Variants in ANO2 observed in about 807,000 individuals in gnomAD.
ANO2 encodes anoctamin-2.
A neutral mutation model predicts 124.2 loss-of-function variants in ANO2; 101 were observed. The ratio of observed to expected loss-of-function variants is 0.81; its 90% CI spans 0.69 to 0.96. The LOEUF (loss-of-function observed/expected upper bound fraction) is 0.96. Ranked by LOEUF, ANO2 falls within the 40% of genes least tolerant of loss-of-function variation. The probability of loss-of-function intolerance (pLI) is 0.00; values close to 1 mark genes in which losing one functional copy is unlikely to be tolerated. For synonymous variants in ANO2, 486 were observed against 482.5 expected (o/e 1.01, Z -0.09); for missense variants, 1,293 against 1,274.5 (o/e 1.01, Z -0.22).
chr12:5,857,387 C>T (rs1388582797), intron 3 of ANO2, among the ~76,000 whole-genome samples: 3 of 152,152 alleles, frequency 2.0e-5, no homozygotes, highest in East Asian at 3.9e-4. Flanking sequence ...TGGGTACATA[C>T]CCAAGAATGG....
At chr12:5,856,209 C>T (rs1955091607) in intron 3 of ANO2, 1 of 152,236 alleles carries the variant, frequency 6.6e-6, no homozygotes, top group Non-Finnish European at 1.5e-5. Context: ...ACAGCATCAT[C>T]CCTCTCGCTA....
At chr12:5,715,571 T>A (rs560134843) in intron 14 of ANO2, among the ~76,000 whole-genome samples, 1 of 152,186 alleles carries the variant, frequency 6.6e-6, no homozygotes, top group Non-Finnish European at 1.5e-5. Flanking sequence ...CAGTGACACA[T>A]GCAAGAAGAG....
intron 3 of ANO2, among the ~76,000 whole-genome samples, chr12:5,907,342 T>C (rs1338763129): frequency 1.3e-5 from 2 of 152,256 alleles, no homozygotes; most frequent in Non-Finnish European, 2.9e-5. Context: ...ATAGTCCAGA[T>C]AGTAAATGGC....
chr12:5,608,413 C>A (rs1177619188), intron 19 of ANO2, among the ~76,000 whole-genome samples: 1 of 151,846 alleles, frequency 6.6e-6, no homozygotes, highest in Non-Finnish European at 1.5e-5. Flanking sequence ...AATTTAACTA[C>A]ATAATTATGT....
At chr12:5,653,867 A>C (rs900863248) in intron 14 of ANO2, among the ~76,000 whole-genome samples, 4 of 152,176 alleles carry the variant, frequency 2.6e-5, no homozygotes, top group African/African-American at 9.7e-5. Context: ...GAATGATTAG[A>C]GTTTCCCGGG....
intron 10 of ANO2, among the ~76,000 whole-genome samples, chr12:5,796,665 G>A (rs556716560): frequency 6.6e-6 from 1 of 152,224 alleles, no homozygotes; most frequent in Non-Finnish European, 1.5e-5. Flanking sequence ...CAGTCTCACA[G>A]TGCAGCCTGC....
At chr12:5,680,442 A>G (rs1186053544) in intron 14 of ANO2, among the ~76,000 whole-genome samples, 1 of 152,236 alleles carries the variant, frequency 6.6e-6, no homozygotes, top group African/African-American at 2.4e-5. Flanking sequence ...AGGAACGGCT[A>G]AAATAAATGC....
At chr12:5,649,421 G>C (rs908917877) in intron 14 of ANO2, among the ~76,000 whole-genome samples, 4 of 152,144 alleles carry the variant, frequency 2.6e-5, no homozygotes, top group African/African-American at 9.7e-5. Context: ...TGAGAACAAG[G>C]TAACTACATC....
chr12:5,809,569 T>C (rs539150181), intron 7 of ANO2, among the ~76,000 whole-genome samples: 5 of 152,270 alleles, frequency 3.3e-5, no homozygotes, highest in Admixed American at 2.6e-4. Context: ...GGTAGCCGAG[T>C]GTCTGGAAGC....
intron 15 of ANO2, among the ~76,000 whole-genome samples, chr12:5,637,673 G>A (rs920235537): frequency 6.6e-6 from 1 of 152,108 alleles, no homozygotes; most frequent in African/African-American, 2.4e-5. Flanking sequence ...AATTCAAGGA[G>A]CACTGTTCTC....
rs1211656256 is a variant in ANO2, at chr12:5,854,145, C to A, written c.535-4G>T. On this transcript the variant is annotated splice_region_variant and splice_polypyrimidine_tract_variant and intron_variant, in intron 3 of 24. Coordinates refer to ENST00000682330, the MANE Select transcript of ANO2 (RefSeq NM_001364791.2). ...AGATGGATCCCTGGCTTTTATTCTG[C>A]AAGGTACAAAGAAAGAACAAATGGA... The A allele has an allele frequency of 1.9e-6, 3 of 1,611,910 alleles. 1 individual carries two copies. The South Asian group carries it at 3.3e-5, about 18-fold the overall frequency.
At chr12:5,701,347 T>C (rs1360210419) in intron 14 of ANO2, among the ~76,000 whole-genome samples, 3 of 152,214 alleles carry the variant, frequency 2.0e-5, no homozygotes, top group African/African-American at 7.2e-5. Flanking sequence ...TGCTGATTCC[T>C]AATCTGATGC....
intron 19 of ANO2, among the ~76,000 whole-genome samples, chr12:5,602,008 T>C (rs746719147): frequency 3.9e-5 from 6 of 152,182 alleles, no homozygotes; most frequent in Non-Finnish European, 7.3e-5. Flanking sequence ...AAAGCTCTGC[T>C]TAAGGAACAG....
chr12:5,587,102 C>G (rs1166660134), intron 20 of ANO2, among the ~76,000 whole-genome samples: 1 of 152,164 alleles, frequency 6.6e-6, no homozygotes, highest in Non-Finnish European at 1.5e-5. Context: ...CCAAAAGGTC[C>G]TCACTACAGG....
chr12:5,919,188 T>C (rs1591791769), intron 3 of ANO2, among the ~76,000 whole-genome samples: 1 of 151,196 alleles, frequency 6.6e-6, no homozygotes, highest in Admixed American at 6.6e-5. Flanking sequence ...GGGGTGGGGG[T>C]ATTTTGGCTA....
chr12:5,814,638 G>A (rs999544737), intron 7 of ANO2, among the ~76,000 whole-genome samples: 5 of 152,174 alleles, frequency 3.3e-5, no homozygotes, highest in Admixed American at 3.3e-4. Flanking sequence ...AGCCCCTTAA[G>A]GGCAGGAATT....
chr12:5,720,905 C>T (rs1425079352), intron 14 of ANO2, among the ~76,000 whole-genome samples: 3 of 152,232 alleles, frequency 2.0e-5, no homozygotes, highest in South Asian at 2.1e-4. Flanking sequence ...ACTCCTGATG[C>T]TAAGAATCAA....
chr12:5,795,805 C>T lies in ANO2; in HGVS notation c.1055+3702G>A, dbSNP rs576411860. On this transcript the variant is annotated intron_variant, in intron 10 of 24. Coordinates refer to ENST00000682330, the MANE Select transcript of ANO2 (RefSeq NM_001364791.2). Reference sequence around the variant, plus strand: ...AGTATTGGGTCAGACCTGTACAAATCGAAAAGGCCTCCAGTCCCCAAGTTT... The same window carrying T: ...AGTATTGGGTCAGACCTGTACAAATTGAAAAGGCCTCCAGTCCCCAAGTTT... Among the ~76,000 whole-genome samples, 10 of 152,216 alleles carry T rather than the reference C, an allele frequency of 6.6e-5. No homozygotes were observed. The East Asian group carries it at 1.7e-3, about 26-fold the overall frequency.
At chr12:5,845,586 A>T (rs1954657927) in intron 4 of ANO2, among the ~76,000 whole-genome samples, 1 of 135,274 alleles carries the variant, frequency 7.4e-6, no homozygotes, top group Non-Finnish European at 1.6e-5. Flanking sequence ...AAAAAAAAAA[A>T]TCCAAAAGAA....
Sources: allele counts gnomAD v4.1 joint callset (sites outside exome capture counted in the v4.1 genomes callset), GRCh38; gene constraint gnomAD v4.1.1; transcripts MANE v1.5; gene names NCBI Gene and HGNC (gene_info 2026-07-23, HGNC 2026-07-21).